GUCY1A2: variants seen among roughly 807,000 people sequenced by gnomAD.
GUCY1A2 encodes the protein guanylate cyclase soluble subunit alpha-2.
In GUCY1A2, 27 loss-of-function variants were observed where a neutral mutation model predicts 63.5. That is an observed-to-expected ratio of 0.43 (90% CI 0.31 to 0.59). The LOEUF is 0.59. GUCY1A2 is among the 20% of genes least tolerant of loss of function. The probability of loss-of-function intolerance (pLI) is 0.11; values close to 1 mark genes in which losing one functional copy is unlikely to be tolerated. For synonymous variants in GUCY1A2, 364 were observed against 343.5 expected (o/e 1.06, Z -0.66); for missense variants, 768 against 913.3 (o/e 0.84, Z 2.05).
chr11:106,855,865 G>T (rs1338469872), intron 4 of GUCY1A2, among the ~76,000 whole-genome samples: 1 of 150,006 alleles, frequency 6.7e-6, no homozygotes, highest in African/African-American at 2.4e-5. Context: ...ATAGTTCAAG[G>T]GTGTTTTATC....
At chr11:106,879,918 A>G (rs1373260687) in intron 4 of GUCY1A2, among the ~76,000 whole-genome samples, 1 of 152,070 alleles carries the variant, frequency 6.6e-6, no homozygotes, top group African/African-American at 2.4e-5. Context: ...TCATCAGTTA[A>G]TCTAATTTTA....
At chr11:106,764,536 G>A (rs1254373772) in intron 6 of GUCY1A2, among the ~76,000 whole-genome samples, 1 of 152,008 alleles carries the variant, frequency 6.6e-6, no homozygotes, top group Admixed American at 6.6e-5. Context: ...CATGATTGTT[G>A]TAATAATTAT....
intron 4 of GUCY1A2, among the ~76,000 whole-genome samples, chr11:106,854,710 T>A (rs536115285): frequency 6.6e-6 from 1 of 152,084 alleles, no homozygotes; most frequent in East Asian, 1.9e-4. Flanking sequence ...TATGCAGGTA[T>A]CCGGAGGGTG....
At chr11:107,000,375 C>G (rs747254769) in intron 1 of GUCY1A2, among the ~76,000 whole-genome samples, 30 of 152,028 alleles carry the variant, frequency 2.0e-4, no homozygotes, top group Non-Finnish European at 4.1e-4. Context: ...TTACAATAGT[C>G]TGTATCTAAG....
At chr11:106,814,981 G>A (rs1421482373) in intron 4 of GUCY1A2, among the ~76,000 whole-genome samples, 1 of 151,908 alleles carries the variant, frequency 6.6e-6, no homozygotes, top group Non-Finnish European at 1.5e-5. Context: ...ATCAGATGTT[G>A]GAATTATCTG....
chr11:106,811,106 C>A (rs79114286), intron 4 of GUCY1A2, among the ~76,000 whole-genome samples: 4,831 of 151,826 alleles, frequency 0.032, 258 homozygotes, highest in African/African-American at 0.11. Context: ...TTCATATAAG[C>A]TAAAAATAAA....
intron 4 of GUCY1A2, among the ~76,000 whole-genome samples, chr11:106,828,152 CTGTT>C (rs139638750): frequency 0.032 from 4,875 of 152,032 alleles, 256 homozygotes; most frequent in African/African-American, 0.11. Context: ...GTTCTGTTGT[CTGTT>C]TGTTGATTTT....
intron 5 of GUCY1A2, among the ~76,000 whole-genome samples, chr11:106,803,313 T>A (rs1403085254): frequency 6.6e-6 from 1 of 152,188 alleles, no homozygotes; most frequent in East Asian, 1.9e-4. Context: ...TTTAAGAATC[T>A]TTGAGGCCCC....
chr11:106,810,485 A>C lies in GUCY1A2; in HGVS notation c.1207-7T>G. The C allele has an allele frequency of 6.3e-7, 1 of 1,588,696 alleles. No homozygotes were observed. Among genetic ancestry groups the C allele is most frequent in the South Asian group, 1.1e-5 (1 of 88,624 alleles). On this transcript the variant is annotated splice_region_variant and splice_polypyrimidine_tract_variant and intron_variant, in intron 4 of 7. Coordinates refer to ENST00000526355, the MANE Select transcript of GUCY1A2 (RefSeq NM_000855.3). ...GTCCTTTGACTTCCATCACCTGTGAAATTAACATGGAATTTTGATCAGTAC... is the reference window on the plus strand; with the variant it reads ...GTCCTTTGACTTCCATCACCTGTGACATTAACATGGAATTTTGATCAGTAC...
Position 106,674,288 on chromosome 11 carries a change from A to G in GUCY1A2, c.*13261T>C. ...TTTACATTGTGAATGATTTCGAATA[A>G]TAACAAATAAAAGAATGAGTAAAAA... On this transcript the variant is annotated 3_prime_UTR_variant, in exon 8 of 8. Transcript: ENST00000526355. 5.5e-6 allele frequency: 1 copy of G among 181,722 alleles called. No homozygotes were observed. Among genetic ancestry groups the G allele is most frequent in the Non-Finnish European group, 1.2e-5 (1 of 85,074 alleles). 11.3% of individuals were successfully genotyped at this position (181,722 alleles called of 1,614,324 possible).
intron 2 of GUCY1A2, among the ~76,000 whole-genome samples, chr11:106,982,193 C>T (rs1396136401): frequency 2.6e-5 from 4 of 152,048 alleles, no homozygotes; most frequent in African/African-American, 9.7e-5. Flanking sequence ...TGTCTACTTA[C>T]AAAACACAAT....
chr11:106,978,285 AG>A (rs1310011340), intron 3 of GUCY1A2, among the ~76,000 whole-genome samples: 1 of 152,192 alleles, frequency 6.6e-6, no homozygotes, highest in Non-Finnish European at 1.5e-5. Flanking sequence ...TATGACTGAG[AG>A]GAAAAAAAGA....
At chr11:106,843,095 C>T (rs975890751) in intron 4 of GUCY1A2, among the ~76,000 whole-genome samples, 6 of 151,882 alleles carry the variant, frequency 4.0e-5, no homozygotes, top group Non-Finnish European at 7.4e-5. Context: ...TTATTATGTT[C>T]TTCCACACAT....
intron 6 of GUCY1A2, among the ~76,000 whole-genome samples, chr11:106,725,156 T>C (rs977006498): frequency 9.4e-5 from 2 of 21,240 alleles, no homozygotes; most frequent in Non-Finnish European, 1.7e-4. Flanking sequence ...TAAATTCTTT[T>C]TTTTTTTTTT....
intron 6 of GUCY1A2, among the ~76,000 whole-genome samples, chr11:106,711,298 CTT>C (rs1437626725): frequency 6.6e-6 from 1 of 152,124 alleles, no homozygotes; most frequent in Non-Finnish European, 1.5e-5. Context: ...TCTGGATCAA[CTT>C]TGTTTTATGT....
intron 4 of GUCY1A2, among the ~76,000 whole-genome samples, chr11:106,920,602 C>G (rs1591328060): frequency 6.6e-6 from 1 of 152,030 alleles, no homozygotes; most frequent in Admixed American, 6.6e-5. Context: ...ATGGATTAAA[C>G]ATTTCCATTT....
At chr11:106,892,160 T>C (rs1009839928) in intron 4 of GUCY1A2, among the ~76,000 whole-genome samples, 1 of 152,120 alleles carries the variant, frequency 6.6e-6, no homozygotes, top group African/African-American at 2.4e-5. Flanking sequence ...GATGCTATTG[T>C]AAATGGCATT....
At chr11:106,774,062 T>C (rs1005855474) in intron 6 of GUCY1A2, among the ~76,000 whole-genome samples, 1 of 152,196 alleles carries the variant, frequency 6.6e-6, no homozygotes, top group African/African-American at 2.4e-5. Context: ...ATTAGTTTTC[T>C]TCATGAATAG....
At chr11:106,953,470 G>A (rs549038771) in intron 3 of GUCY1A2, among the ~76,000 whole-genome samples, 1 of 152,270 alleles carries the variant, frequency 6.6e-6, no homozygotes, top group African/African-American at 2.4e-5. Context: ...CAGGGATATT[G>A]GCCTGAAGTT....
Sources: gnomAD v4.1 joint callset for allele counts (sites outside exome capture counted in the v4.1 genomes callset) on GRCh38, gnomAD v4.1.1 for gene constraint, MANE v1.5 for transcripts, NCBI Gene and HGNC (gene_info 2026-07-23, HGNC 2026-07-21) for gene names.